AKAP19: variants seen among roughly 807,000 people sequenced by gnomAD.
AKAP19 encodes the protein small A-kinase anchoring protein.
the AKAP19 span, among the ~76,000 whole-genome samples, chr2:189,913,573 A>G: frequency 6.6e-6 from 1 of 152,084 alleles, no homozygotes; most frequent in African/African-American, 2.4e-5. Flanking sequence ...TTATTAAAAT[A>G]TTGGCTTTCC....
the AKAP19 span, among the ~76,000 whole-genome samples, chr2:189,979,506 G>A: frequency 6.6e-6 from 1 of 152,078 alleles, no homozygotes; most frequent in African/African-American, 2.4e-5. Flanking sequence ...AACTCTTCTG[G>A]ACATTGGCCT....
At chr2:190,180,622 G>A in the AKAP19 span, 2 of 985,740 alleles carry the variant, frequency 2.0e-6, no homozygotes, top group Non-Finnish European at 2.4e-6. This position sits in a 1 kb window ranked among gnomAD's most constrained non-coding sequence, Gnocchi z 6.8. Context: ...TGGCAGCCCA[G>A]CTCCGCTCCG....
At chr2:189,963,927 T>A in the AKAP19 span, among the ~76,000 whole-genome samples, 1 of 151,964 alleles carries the variant, frequency 6.6e-6, no homozygotes, top group Non-Finnish European at 1.5e-5. Flanking sequence ...CCACACCCAG[T>A]TAATTTTTGT....
the AKAP19 span, among the ~76,000 whole-genome samples, chr2:190,099,623 G>A: frequency 1.3e-5 from 2 of 152,136 alleles, no homozygotes; most frequent in Non-Finnish European, 2.9e-5. Flanking sequence ...TTGAAAAATG[G>A]TGCCAATAGA....
chr2:190,038,916 C>CTTTCTTTCT, the AKAP19 span, among the ~76,000 whole-genome samples: 11 of 133,888 alleles, frequency 8.2e-5, no homozygotes, highest in African/African-American at 3.3e-4. Context: ...TCTTCTTCTT[C>CTTTCTTTCT]TTCTTCTTCT....
chr2:190,035,443 A>AT, the AKAP19 span, among the ~76,000 whole-genome samples: 1 of 151,980 alleles, frequency 6.6e-6, no homozygotes, highest in Non-Finnish European at 1.5e-5. Flanking sequence ...AAAAAAAAAA[A>AT]GATTATCTTC....
the AKAP19 span, among the ~76,000 whole-genome samples, chr2:190,142,878 AAG>A: frequency 4.4e-3 from 672 of 152,260 alleles, 1 homozygote; most frequent in South Asian, 0.017. Context: ...GGGTGTCCTC[AAG>A]AGAGTCACCC....
At chr2:190,038,252 A>AT in the AKAP19 span, among the ~76,000 whole-genome samples, 1 of 152,044 alleles carries the variant, frequency 6.6e-6, no homozygotes, top group Non-Finnish European at 1.5e-5. Flanking sequence ...TAGTTATGAG[A>AT]TCCCTGTACC....
chr2:189,918,086 G>T, the AKAP19 span, among the ~76,000 whole-genome samples: 1 of 150,660 alleles, frequency 6.6e-6, no homozygotes, highest in East Asian at 1.9e-4. Flanking sequence ...CTCCCTTTAT[G>T]TTTTTTTTAC....
chr2:189,989,045 T>C, the AKAP19 span, among the ~76,000 whole-genome samples: 1 of 152,240 alleles, frequency 6.6e-6, no homozygotes, highest in South Asian at 2.1e-4. Context: ...AACTGTCATA[T>C]TTGCCTAGAC....
At chr2:189,925,203 C>T in the AKAP19 span, among the ~76,000 whole-genome samples, 1 of 152,146 alleles carries the variant, frequency 6.6e-6, no homozygotes, top group Non-Finnish European at 1.5e-5. Flanking sequence ...CTTTTAGGAA[C>T]ATCTAACAAT....
chr2:189,914,067 T>C, the AKAP19 span, among the ~76,000 whole-genome samples: 2 of 152,054 alleles, frequency 1.3e-5, no homozygotes, highest in Admixed American at 6.5e-5. Flanking sequence ...TTATTATCAG[T>C]AAACAGATGC....
chr2:190,124,924 C>T, the AKAP19 span, among the ~76,000 whole-genome samples: 1 of 151,900 alleles, frequency 6.6e-6, no homozygotes, highest in Non-Finnish European at 1.5e-5. Context: ...CAAAAACACA[C>T]ACATTAGCCT....
At chr2:190,101,875 C>A in the AKAP19 span, among the ~76,000 whole-genome samples, 1 of 152,074 alleles carries the variant, frequency 6.6e-6, no homozygotes, top group Non-Finnish European at 1.5e-5. Flanking sequence ...ATACCCCCAC[C>A]CATCAACCAC....
chr2:190,172,041 C>T, the AKAP19 span, among the ~76,000 whole-genome samples: 1 of 152,194 alleles, frequency 6.6e-6, no homozygotes, highest in African/African-American at 2.4e-5. Flanking sequence ...CCTAGCTTGG[C>T]ACCAGCAGGT....
the AKAP19 span, among the ~76,000 whole-genome samples, chr2:189,886,383 T>G: frequency 6.6e-6 from 1 of 152,242 alleles, no homozygotes; most frequent in African/African-American, 2.4e-5. Context: ...CACTCTCCTT[T>G]GAGCATTACT....
At chr2:190,151,750 C>T in the AKAP19 span, among the ~76,000 whole-genome samples, 29 of 151,522 alleles carry the variant, frequency 1.9e-4, no homozygotes, top group Admixed American at 1.8e-3. Context: ...GCCTGTAATC[C>T]CAGTACTTTG....
At chr2:189,949,633 T>TC in the AKAP19 span, among the ~76,000 whole-genome samples, 1 of 137,298 alleles carries the variant, frequency 7.3e-6, no homozygotes, top group Non-Finnish European at 1.5e-5. Context: ...TTTTCTTTCT[T>TC]TTTTTTTTTT....
the AKAP19 span, among the ~76,000 whole-genome samples, chr2:189,967,854 TAA>T: frequency 7.9e-5 from 11 of 139,778 alleles, no homozygotes; most frequent in African/African-American, 2.3e-4. Flanking sequence ...AATTTGAAAT[TAA>T]AAAAAAAAAA....
Sources: gnomAD v4.1 joint callset for allele counts (sites outside exome capture counted in the v4.1 genomes callset) on GRCh38, gnomAD v4.1.1 for gene constraint, Gnocchi (gnomAD v3.1) non-coding constraint, MANE v1.5 for transcripts, NCBI Gene and HGNC (gene_info 2026-07-23, HGNC 2026-07-21) for gene names.